Variants in ELMO1 observed in about 807,000 individuals in gnomAD.
ELMO1 encodes the protein engulfment and cell motility protein 1.
ELMO1 carries 26 observed loss-of-function variants against 98.9 expected under a neutral mutation model. The observed-to-expected ratio is 0.26, with a 90% confidence interval of 0.19 to 0.36. The LOEUF (loss-of-function observed/expected upper bound fraction) is 0.36, where lower values mean the gene tolerates loss of function less well. ELMO1 is among the 10% of genes least tolerant of loss of function. The pLI is 1.00. For missense variants in ELMO1, 627 were observed against 935.2 expected (o/e 0.67, Z 4.30); for synonymous variants, 346 against 346.0 (o/e 1.00, Z 0.00).
intron 14 of ELMO1, among the ~76,000 whole-genome samples, chr7:37,103,261 C>G (rs1784739630): frequency 6.6e-6 from 1 of 152,064 alleles, no homozygotes; most frequent in Admixed American, 6.5e-5. Context: ...CGACAGAAAA[C>G]AAAACATGGT....
At chr7:37,277,073 T>G (rs753215489) in intron 4 of ELMO1, among the ~76,000 whole-genome samples, 5 of 152,264 alleles carry the variant, frequency 3.3e-5, no homozygotes, top group African/African-American at 1.2e-4. Flanking sequence ...ACCTGGCACA[T>G]GCCGGCACTC....
At position 36,981,505 on chromosome 7, in the gene ELMO1, C is replaced by T. The variant is rs141528120; in HGVS notation, c.1437+31794G>A. The stretch of plus-strand genomic sequence containing the variant: ...TTTGTAGAATTGAATAAGATGATAG[C>T]AATTAAATCACTCCTTAGCCTGAAT... On this transcript the variant is annotated intron_variant, in intron 16 of 21. Coordinates refer to ENST00000310758, the MANE Select transcript of ELMO1 (RefSeq NM_014800.11). Among the ~76,000 whole-genome samples the T allele has an allele frequency of 4.1e-4, 63 of 152,156 alleles. 1 individual carries two copies. In the East Asian group the frequency reaches 0.012, roughly 28 times the overall value.
intron 16 of ELMO1, among the ~76,000 whole-genome samples, chr7:36,895,361 C>T (rs571205291): frequency 8.5e-5 from 13 of 152,100 alleles, no homozygotes; most frequent in Non-Finnish European, 1.6e-4. Context: ...TGAACGAAGG[C>T]CAAGCAGCAG....
At chr7:36,913,048 C>T (rs532689024) in intron 16 of ELMO1, among the ~76,000 whole-genome samples, 5 of 152,258 alleles carry the variant, frequency 3.3e-5, no homozygotes, top group Admixed American at 6.5e-5. Flanking sequence ...GCACACTGCT[C>T]GGGAGGGGTA....
intron 13 of ELMO1, among the ~76,000 whole-genome samples, chr7:37,167,204 C>T (rs1370798591): frequency 1.3e-5 from 2 of 151,842 alleles, no homozygotes; most frequent in Admixed American, 6.6e-5. Context: ...GATCTTCCTC[C>T]ATCCCTTTAT....
intron 14 of ELMO1, among the ~76,000 whole-genome samples, chr7:37,129,828 G>C (rs1394624212): frequency 2.6e-5 from 4 of 152,036 alleles, no homozygotes; most frequent in African/African-American, 9.7e-5. Context: ...ACTGCCTTTA[G>C]GTCCAACAGA....
intron 1 of ELMO1, among the ~76,000 whole-genome samples, chr7:37,409,520 G>C (rs1803909274): frequency 6.6e-6 from 1 of 152,166 alleles, no homozygotes. Flanking sequence ...AACTCAACTG[G>C]GGCTTGCTGG....
At chr7:37,163,315 T>C (rs1789360453) in intron 13 of ELMO1, among the ~76,000 whole-genome samples, 2 of 147,524 alleles carry the variant, frequency 1.4e-5, no homozygotes, top group South Asian at 2.2e-4. Flanking sequence ...ATATCAGGTA[T>C]TATAGGGTAT....
At chr7:37,412,004 C>T (rs1314210198) in intron 1 of ELMO1, among the ~76,000 whole-genome samples, 3 of 152,078 alleles carry the variant, frequency 2.0e-5, no homozygotes, top group African/African-American at 7.2e-5. Context: ...TCCTCACGCT[C>T]AACTACTTCC....
chr7:37,147,748 T>C (rs369433454), intron 13 of ELMO1, among the ~76,000 whole-genome samples: 3 of 151,450 alleles, frequency 2.0e-5, no homozygotes, highest in African/African-American at 7.3e-5. Flanking sequence ...GCAACCCAGT[T>C]CCTGATACAC....
intron 1 of ELMO1, among the ~76,000 whole-genome samples, chr7:37,361,950 C>A (rs1301815354): frequency 6.6e-6 from 1 of 151,946 alleles, no homozygotes; most frequent in Non-Finnish European, 1.5e-5. Flanking sequence ...AGACAGAGAC[C>A]CAGTCACACA....
At chr7:37,013,527 G>A (rs1793709155) in intron 15 of ELMO1, 92 bp from the exon 16 acceptor site, 2 of 1,443,018 alleles carry the variant, frequency 1.4e-6, no homozygotes, top group African/African-American at 1.4e-5. Flanking sequence ...AGGGAGACAA[G>A]CGGAGGTATC....
intron 21 of ELMO1, among the ~76,000 whole-genome samples, chr7:36,857,606 A>C (rs1022615203): frequency 6.6e-6 from 1 of 152,216 alleles, no homozygotes; most frequent in African/African-American, 2.4e-5. Context: ...TTTTATGTGA[A>C]AGTACATCGA....
At chr7:37,246,660 T>C (rs190805639) in intron 6 of ELMO1, among the ~76,000 whole-genome samples, 42 of 152,300 alleles carry the variant, frequency 2.8e-4, no homozygotes, top group Non-Finnish European at 4.4e-5. Flanking sequence ...TGTGTTTCAG[T>C]AGAAAACTAA....
At chr7:37,228,630 G>A (rs1024906950) in intron 8 of ELMO1, among the ~76,000 whole-genome samples, 3 of 152,188 alleles carry the variant, frequency 2.0e-5, no homozygotes, top group Non-Finnish European at 4.4e-5. Context: ...TACAGTGCAT[G>A]AATCAACGAT....
intron 2 of ELMO1, among the ~76,000 whole-genome samples, chr7:37,325,632 T>C (rs1396595086): frequency 6.6e-6 from 1 of 152,214 alleles, no homozygotes; most frequent in Admixed American, 6.5e-5. Context: ...AAAAAAAACC[T>C]ACCTGACAGA....
At position 37,178,599 on chromosome 7, in the gene ELMO1, C is replaced by T. The variant is rs991301855; in HGVS notation, c.1086+32787G>A. On this transcript the variant is annotated intron_variant, in intron 13 of 21. Coordinates refer to ENST00000310758, the MANE Select transcript of ELMO1 (RefSeq NM_014800.11). ...CCTGGGCAACAAAGCCAGACCCTGTCTCAAAAAAATTTTTTTAATTAGAAA... is the reference window on the plus strand; with the variant it reads ...CCTGGGCAACAAAGCCAGACCCTGTTTCAAAAAAATTTTTTTAATTAGAAA... 2.5e-4 allele frequency among the ~76,000 whole-genome samples: 29 copies of T among 115,566 alleles called. No individual in the cohort carries two copies. The Admixed American group carries it at 2.7e-3, about 11-fold the overall frequency. 75.8% of individuals were successfully genotyped at this position (115,566 alleles called of 152,430 possible).
intron 6 of ELMO1, among the ~76,000 whole-genome samples, chr7:37,252,007 AG>A (rs572295275): frequency 2.0e-5 from 3 of 152,318 alleles, no homozygotes; most frequent in African/African-American, 7.2e-5. Context: ...TATAATACCT[AG>A]GAATAGAACT....
chr7:37,440,300 G>A (rs1461574303), intron 1 of ELMO1, among the ~76,000 whole-genome samples: 3 of 152,090 alleles, frequency 2.0e-5, no homozygotes, highest in African/African-American at 4.8e-5. Context: ...AAATTAGCCA[G>A]GTGTGATGGC....
Sources: allele counts gnomAD v4.1 joint callset (sites outside exome capture counted in the v4.1 genomes callset), GRCh38; gene constraint gnomAD v4.1.1; transcripts MANE v1.5; gene names NCBI Gene and HGNC (gene_info 2026-07-23, HGNC 2026-07-21).